The following SLC41A1 variants were observed in gnomAD, a reference collection of about 807,000 sequenced individuals.
SLC41A1 encodes solute carrier family 41 member 1.
A neutral mutation model predicts 47.3 loss-of-function variants in SLC41A1; 20 were observed. The ratio of observed to expected loss-of-function variants is 0.42; its 90% CI spans 0.30 to 0.61. The LOEUF (loss-of-function observed/expected upper bound fraction) is 0.61, where lower values mean the gene tolerates loss of function less well. Among genes scored for constraint, SLC41A1 ranks in the 20% least tolerant of loss-of-function variants. The pLI is 0.17. For synonymous variants in SLC41A1, 282 were observed against 272.7 expected (o/e 1.03, Z -0.34); for missense variants, 504 against 674.1 (o/e 0.75, Z 2.79).
chr1:205,812,816 C>A lies in SLC41A1; in HGVS notation c.-655G>T, dbSNP rs1320182437. 1.0e-6 allele frequency: 1 copy of A among 985,134 alleles called. No individual in the cohort carries two copies. The highest frequency in any genetic ancestry group is 1.2e-6 in the Non-Finnish European group (1 of 829,712). 61.0% of individuals were successfully genotyped at this position (985,134 alleles called of 1,614,324 possible). A position where few individuals can be genotyped will look rare whatever the true frequency, so the allele number is the denominator to read the frequency against. ...GACCCCACAGGACTGACCTGCCCCT[C>A]GCCTGGGAGGAAGGGGGGCGCCTGG... On this transcript the variant is annotated 5_prime_UTR_variant, in exon 1 of 11. Coordinates refer to ENST00000367137, the MANE Select transcript of SLC41A1 (RefSeq NM_173854.6).
chr1:205,795,009 G>T lies in SLC41A1; in HGVS notation c.1217C>A (p.Ser406Tyr), dbSNP rs757760386. The change falls in exon 10 of 11, where the codon TCT (serine) becomes TAT (tyrosine). Residue 406 changes from serine (S) to tyrosine (Y), a missense_variant. Physicochemically the swap from Ser to Tyr is moderately radical, Grantham distance 144 (BLOSUM62 -2). Around this residue, in one of 2 missense-constraint regions of SLC41A1, gnomAD observed 421 missense variants for 601.6 expected, o/e 0.70. Transcript: ENST00000367137. ...GAGGAAGAGGACCCGGGCTGAGCGA[G>T]AATTCACATCTGGAATTGGGGAAAA... ...CTTFFSPDVN[S>Y]RSARVLFLLV... 176 of 1,613,860 alleles carry T rather than the reference G, an allele frequency of 1.1e-4. No homozygotes were observed. The highest frequency in any genetic ancestry group is 1.6e-4 in the Middle Eastern group (1 of 6,082).
At chr1:205,801,177 C>A in intron 2 of SLC41A1, 117 bp from the exon 3 acceptor site, 1 of 775,964 alleles carries the variant, frequency 1.3e-6, no homozygotes. Flanking sequence ...AGGGAGTGAG[C>A]ACGCCAGCCA....
In SLC41A1 at chr1:205,810,534, T is replaced by A. The variant is rs1656126954; in HGVS notation, c.-93A>T. The A allele has an allele frequency of 1.0e-5, 16 of 1,603,182 alleles. No homozygotes were observed. The highest frequency in any genetic ancestry group is 1.4e-5 in the Non-Finnish European group (16 of 1,176,886). On this transcript the variant is annotated 5_prime_UTR_variant, in exon 2 of 11. Transcript: ENST00000367137. The surrounding 1 kb of genome is among the most constrained non-coding windows in gnomAD (Gnocchi z 5.5). Reference sequence around the variant, plus strand: ...CTTGGGAAAGAACTTAGTCTTGGGGTGAACCCAGGCTTGGGCGCCGCAGGA... The same window carrying A: ...CTTGGGAAAGAACTTAGTCTTGGGGAGAACCCAGGCTTGGGCGCCGCAGGA...
chr1:205,789,659 A>C lies in SLC41A1; in HGVS notation c.*1874T>G, dbSNP rs1655573009. The C allele has an allele frequency of 6.6e-6, 1 of 152,238 alleles. No individual in the cohort carries two copies. The highest frequency in any genetic ancestry group is 2.1e-4 in the South Asian group (1 of 4,836). 9.4% of individuals were successfully genotyped at this position (152,238 alleles called of 1,614,324 possible). The stretch of plus-strand genomic sequence containing the variant: ...CTGTTGGACACAACTCCAACTAGAA[A>C]ACCTCTAAAATTCCTTCCAATTCTA... On this transcript the variant is annotated 3_prime_UTR_variant, in exon 11 of 11. Transcript: ENST00000367137.
Position 205,810,025 on chromosome 1 carries a change from G to A in SLC41A1, c.372+45C>T, listed in dbSNP as rs1214592740. 1 of 1,613,464 alleles carries A rather than the reference G, an allele frequency of 6.2e-7. No homozygotes were observed. The highest frequency in any genetic ancestry group is 8.5e-7 in the Non-Finnish European group (1 of 1,179,826). Reference sequence around the variant, plus strand: ...GTTCCAAGTTTCCCAGCAGGCAAAGGTGGCCCTGGGCTCACAGTCAAGAGC... The same window carrying A: ...GTTCCAAGTTTCCCAGCAGGCAAAGATGGCCCTGGGCTCACAGTCAAGAGC... On this transcript the variant is annotated intron_variant, in intron 2 of 10. Coordinates refer to ENST00000367137, the MANE Select transcript of SLC41A1 (RefSeq NM_173854.6). The surrounding 1 kb of genome is among the most constrained non-coding windows in gnomAD (Gnocchi z 5.5).
At position 205,799,774 on chromosome 1, in the gene SLC41A1, G is replaced by A. The variant is rs1482279920; in HGVS notation, c.537C>T (p.Asn179=). ...PKELWRMITG[N]MALIQVQATV... is the part of the protein sequence containing the mutation. The stretch of plus-strand genomic sequence containing the variant: ...GCCTTCTTACCTGGATGAGGGCCAT[G>A]TTCCCAGTGATCATCCGCCAGAGCT... The change falls in exon 4 of 11, where the codon AAC becomes AAT. Residue 179 remains asparagine, a synonymous_variant. Coordinates refer to ENST00000367137, the MANE Select transcript of SLC41A1 (RefSeq NM_173854.6). The A allele has an allele frequency of 6.2e-7, 1 of 1,614,158 alleles. No individual in the cohort carries two copies. The highest frequency in any genetic ancestry group is 8.5e-7 in the Non-Finnish European group (1 of 1,180,010).
At chr1:205,809,183 G>A (rs1656083923) in intron 2 of SLC41A1, among the ~76,000 whole-genome samples, 1 of 152,220 alleles carries the variant, frequency 6.6e-6, no homozygotes, top group African/African-American at 2.4e-5. Context: ...GTGCCACACT[G>A]TGCCTAAAAA....
At chr1:205,812,213 G>A (rs1656172407) in intron 1 of SLC41A1, among the ~76,000 whole-genome samples, 2 of 152,154 alleles carry the variant, frequency 1.3e-5, no homozygotes, top group African/African-American at 4.8e-5. Flanking sequence ...CAGGTAAGAG[G>A]AACAGGTCCT....
At chr1:205,802,553 C>G (rs1655907454) in intron 2 of SLC41A1, among the ~76,000 whole-genome samples, 1 of 151,658 alleles carries the variant, frequency 6.6e-6, no homozygotes, top group South Asian at 2.1e-4. Context: ...CCCGTCTCTA[C>G]TGAAAATACA....
intron 4 of SLC41A1, 46 bp downstream of exon 4, chr1:205,799,709 CCTGA>C: frequency 6.3e-7 from 1 of 1,594,224 alleles, no homozygotes; most frequent in Non-Finnish European, 8.6e-7. Flanking sequence ...TTCAGAGATT[CCTGA>C]CTAAGGGGAA....
At position 205,791,046 on chromosome 1, in the gene SLC41A1, C is replaced by T; in HGVS notation, c.*487G>A. ...TGTCCAGAGCTTTGAAGTTGGTCCA[C>T]TTCTACAAAAGTATGTCTGTGTTTG... On this transcript the variant is annotated 3_prime_UTR_variant, in exon 11 of 11. Coordinates refer to ENST00000367137, the MANE Select transcript of SLC41A1 (RefSeq NM_173854.6). The surrounding 1 kb of genome is among the most constrained non-coding windows in gnomAD (Gnocchi z 4.0). 7 of 224,600 alleles carry T rather than the reference C, an allele frequency of 3.1e-5. No individual in the cohort carries two copies. The highest frequency in any genetic ancestry group is 2.0e-4 in the South Asian group (3 of 15,272). 13.9% of individuals were successfully genotyped at this position (224,600 alleles called of 1,614,324 possible). A position where few individuals can be genotyped will look rare whatever the true frequency, so the allele number is the denominator to read the frequency against.
Position 205,799,850 on chromosome 1 carries a change from G to T in SLC41A1, c.481-20C>A, listed in dbSNP as rs1267207556. The T allele has an allele frequency of 6.2e-7, 1 of 1,613,280 alleles. No individual in the cohort carries two copies. Among genetic ancestry groups the T allele is most frequent in the Non-Finnish European group, 8.5e-7 (1 of 1,179,448 alleles). On this transcript the variant is annotated intron_variant, in intron 3 of 10. Coordinates refer to ENST00000367137, the MANE Select transcript of SLC41A1 (RefSeq NM_173854.6). ...GTTGGCCTGGGAAAGGGAGGGCAAG[G>T]GGCTGGAGCTTCAGGCTGGAAAAGG... is the stretch of plus-strand genomic sequence containing the variant.
intron 9 of SLC41A1, among the ~76,000 whole-genome samples, 157 bp downstream of exon 9, chr1:205,795,187 C>G (rs550512740): frequency 2.0e-5 from 3 of 152,160 alleles, no homozygotes; most frequent in African/African-American, 7.2e-5. Flanking sequence ...CAGGAAAAGA[C>G]AGCCCTCCTG....
At position 205,802,161 on chromosome 1, in the gene SLC41A1, G is replaced by A. The variant is rs149999977; in HGVS notation, c.373-1101C>T. ...GGGAGGAGGAGGCAGGAGGCCAGGCGGATATATATGGGTTGGTCTGCGTAT... is the reference window on the plus strand; with the variant it reads ...GGGAGGAGGAGGCAGGAGGCCAGGCAGATATATATGGGTTGGTCTGCGTAT... On this transcript the variant is annotated intron_variant, in intron 2 of 10. Coordinates refer to ENST00000367137, the MANE Select transcript of SLC41A1 (RefSeq NM_173854.6). 7.1e-3 allele frequency among the ~76,000 whole-genome samples: 1,083 copies of A among 152,148 alleles called. 13 individuals are homozygous for A. The highest frequency in any genetic ancestry group is 0.024 in the African/African-American group (1,000 of 41,490).
Position 205,791,634 on chromosome 1 carries a change from A to G in SLC41A1, c.1441T>C (p.Tyr481His). Residue 481 changes from tyrosine to histidine, a missense_variant, in exon 11 of 11, where the codon TAC (tyrosine) becomes CAC (histidine). Coordinates refer to ENST00000367137, the MANE Select transcript of SLC41A1 (RefSeq NM_173854.6). The surrounding 1 kb of genome is among the most constrained non-coding windows in gnomAD (Gnocchi z 4.0). ...AGCAGGTCCCCCAGAGCAGTCAAGTATGGGATGGAGAAGTTGTCCGGGTCC... is the reference window on the plus strand; with the variant it reads ...AGCAGGTCCCCCAGAGCAGTCAAGTGTGGGATGGAGAAGTTGTCCGGGTCC... ...GLDPDNFSIP[Y>H]LTALGDLLGT... is the part of the protein sequence containing the mutation. The G allele has an allele frequency of 3.7e-6, 6 of 1,614,160 alleles. No individual in the cohort carries two copies. Among genetic ancestry groups the G allele is most frequent in the Non-Finnish European group, 5.1e-6 (6 of 1,180,030 alleles).
chr1:205,807,696 C>T lies in SLC41A1; in HGVS notation c.372+2374G>A, dbSNP rs528285982. 6.2e-5 allele frequency among the ~76,000 whole-genome samples: 7 copies of T among 112,106 alleles called. No homozygotes were observed. In the East Asian group the frequency reaches 2.2e-3, roughly 36 times the overall value. 73.5% of individuals were successfully genotyped at this position (112,106 alleles called of 152,430 possible). A position where few individuals can be genotyped will look rare whatever the true frequency, so the allele number is the denominator to read the frequency against. On this transcript the variant is annotated intron_variant, in intron 2 of 10. Transcript: ENST00000367137. The stretch of plus-strand genomic sequence containing the variant: ...TTTGAGACAGCGTTTGGCTCTGTTG[C>T]TGAGGCTGGAGTGCAGTGGTACAAT...
At chr1:205,803,846 C>T (rs1012014461) in intron 2 of SLC41A1, among the ~76,000 whole-genome samples, 1 of 152,046 alleles carries the variant, frequency 6.6e-6, no homozygotes, top group Admixed American at 6.5e-5. Flanking sequence ...GTCTCGAACT[C>T]CTGGGCTCAA....
intron 2 of SLC41A1, among the ~76,000 whole-genome samples, chr1:205,809,193 A>G (rs1205492377): frequency 6.6e-6 from 1 of 152,208 alleles, no homozygotes; most frequent in Non-Finnish European, 1.5e-5. Flanking sequence ...GTGCCTAAAA[A>G]ACTTTTATCT....
At chr1:205,795,823 G>C (rs981406310) in intron 8 of SLC41A1, 2 of 402,718 alleles carry the variant, frequency 5.0e-6, no homozygotes, top group Non-Finnish European at 9.4e-6. Flanking sequence ...GTAGAGCATG[G>C]GCACCTGCCT....
Sources: allele counts gnomAD v4.1 joint callset (sites outside exome capture counted in the v4.1 genomes callset), GRCh38; gene constraint gnomAD v4.1.1; regional missense constraint gnomAD v4.1.1; non-coding constraint Gnocchi (gnomAD v3.1); transcripts MANE v1.5; gene names NCBI Gene and HGNC (gene_info 2026-07-23, HGNC 2026-07-21).